PENK: variants seen among roughly 807,000 people sequenced by gnomAD.
PENK encodes proenkephalin-A.
Under a neutral mutation model 24.1 loss-of-function variants are expected in PENK, and 25 were observed. That is an observed-to-expected ratio of 1.04 (90% CI 0.76 to 1.45). The LOEUF is 1.45. Ranked by LOEUF, PENK falls within the 40% of genes most tolerant of loss-of-function variation. The pLI, the probability that PENK is intolerant of heterozygous loss-of-function variation, is 0.00. For missense variants in PENK, 353 were observed against 337.9 expected, an observed-to-expected ratio of 1.04 and a Z score of -0.35; for synonymous variants, 135 against 130.3, an observed-to-expected ratio of 1.04 and a Z score of -0.24.
rs139296396 is a variant in PENK at position 56,445,817 on chromosome 8, A to G, written c.137T>C (p.Leu46Pro). The G allele has an allele frequency of 1.9e-6, 3 of 1,613,398 alleles. No homozygotes were observed. The African/African-American group carries it at 4.0e-5, about 21-fold the overall frequency. Residue 46 changes from leucine to proline, a missense_variant and splice_region_variant, in exon 3 of 4, where the codon CTG becomes CCG. Leu to Pro is a moderately conservative substitution (Grantham distance 98, BLOSUM62 -3). Transcript: ENST00000451791. The part of the protein sequence containing the change: ...RLVRPADINF[L>P]ACVMECEGKL... ...ACACTCGCCGCGCGCAACACTCACC[A>G]GGAAGTTGATGTCGGCCGGGCGCAC...
rs147090338 is a variant in PENK, at chr8:56,441,706, C to G, written c.370G>C (p.Glu124Gln). Residue 124 changes from glutamate to glutamine, a missense_variant, in exon 4 of 4, where the codon GAA (glutamate) becomes CAA (glutamine). Glu to Gln is a conservative substitution (Grantham distance 29). Transcript: ENST00000451791. Reference protein sequence around the residue: ...MDELYPMEPEEEANGSEILAK... With the variant: ...MDELYPMEPEQEANGSEILAK... ...AGGATCTCACTTCCATTGGCCTCTTCTTCTGGCTCCATGGGATAAAGCTCA... is the reference window on the plus strand; with the variant it reads ...AGGATCTCACTTCCATTGGCCTCTTGTTCTGGCTCCATGGGATAAAGCTCA... 2,742 of 1,613,816 alleles carry G rather than the reference C, an allele frequency of 1.7e-3. 58 individuals are homozygous for G. In the South Asian group the frequency reaches 0.028, roughly 17 times the overall value.
chr8:56,446,330 T>A, intron 2 of PENK, 96 bp downstream of exon 2: 1 of 261,156 alleles, frequency 3.8e-6, no homozygotes, highest in Non-Finnish European at 7.3e-6. Context: ...GGGAACGCTG[T>A]TGGGGAACCC....
chr8:56,443,303 G>A (rs1017408088), intron 3 of PENK, among the ~76,000 whole-genome samples: 3 of 152,184 alleles, frequency 2.0e-5, no homozygotes, highest in Non-Finnish European at 2.9e-5. Context: ...CCATTCTAAA[G>A]TTGTATCTAA....
Position 56,441,839 on chromosome 8 carries a change from A to G in PENK, c.237T>C (p.Asp79=), listed in dbSNP as rs1407961969. The G allele has an allele frequency of 6.2e-7, 1 of 1,614,162 alleles. No homozygotes were observed. Among genetic ancestry groups the G allele is most frequent in the South Asian group, 1.1e-5 (1 of 91,076 alleles). The change falls in exon 4 of 4, where the codon GAT becomes GAC. Residue 79 remains aspartate, a synonymous_variant. Transcript: ENST00000451791. ...TATTTTCTCTGAGGGTGCTGGTGCCATCTTGAGGAAGCTCTGGTTTGGACA... is the reference window on the plus strand; with the variant it reads ...TATTTTCTCTGAGGGTGCTGGTGCCGTCTTGAGGAAGCTCTGGTTTGGACA... The part of the protein sequence containing the change: ...LQLSKPELPQ[D]GTSTLRENSK...
At chr8:56,444,435 G>A (rs1012301680) in intron 3 of PENK, among the ~76,000 whole-genome samples, 6 of 152,182 alleles carry the variant, frequency 3.9e-5, no homozygotes, top group Non-Finnish European at 7.3e-5. Flanking sequence ...GTCAGAAAGT[G>A]GAGTCTTCTA....
intron 3 of PENK, chr8:56,444,063 G>C (rs1804608296): frequency 1.5e-6 from 1 of 688,780 alleles, no homozygotes; most frequent in Admixed American, 2.1e-5. Flanking sequence ...GAGAAGTCAA[G>C]ATTTGAGGTG....
In PENK at chr8:56,441,034, A is replaced by T; in HGVS notation, c.*238T>A. 2 of 416,960 alleles carry T rather than the reference A, an allele frequency of 4.8e-6. No individual in the cohort carries two copies. Among genetic ancestry groups the T allele is most frequent in the Non-Finnish European group, 8.5e-6 (2 of 234,784 alleles). 25.8% of individuals were successfully genotyped at this position (416,960 alleles called of 1,614,324 possible). On this transcript the variant is annotated 3_prime_UTR_variant, in exon 4 of 4. Transcript: ENST00000451791. ...ATGTTTGTCAAAAATAAGAGACAAG[A>T]TAACAAAAACTATTTTAGCATGAAA... is the stretch of plus-strand genomic sequence containing the variant.
At position 56,441,147 on chromosome 8, in the gene PENK, T is replaced by C; in HGVS notation, c.*125A>G. On this transcript the variant is annotated 3_prime_UTR_variant, in exon 4 of 4. Coordinates refer to ENST00000451791, the MANE Select transcript of PENK (RefSeq NM_001135690.3). ...AATGACAGTTTTCAGGTTGTATAGT[T>C]ATCCAGACAATGAAGTCAACTATAC... 1.4e-6 allele frequency: 1 copy of C among 708,164 alleles called. No individual in the cohort carries two copies. Among genetic ancestry groups the C allele is most frequent in the Non-Finnish European group, 2.4e-6 (1 of 414,068 alleles). 43.9% of individuals were successfully genotyped at this position (708,164 alleles called of 1,614,324 possible). A position where few individuals can be genotyped will look rare whatever the true frequency, so the allele number is the denominator to read the frequency against.
intron 3 of PENK, chr8:56,443,596 G>C (rs1804597200): frequency 4.7e-6 from 1 of 213,354 alleles, no homozygotes; most frequent in Non-Finnish European, 9.4e-6. Context: ...ATCCACCACA[G>C]TACCAATCAT....
At chr8:56,446,108 A>G in intron 2 of PENK, 152 bp from the exon 3 acceptor site, 2 of 852,994 alleles carry the variant, frequency 2.3e-6, no homozygotes, top group Non-Finnish European at 1.8e-6. Context: ...CCCGGCCGAC[A>G]GCTTTTAGGT....
In PENK at chr8:56,441,758, C is replaced by A. The variant is rs758386503; in HGVS notation, c.318G>T (p.Arg106Ser). The A allele has an allele frequency of 2.5e-6, 4 of 1,609,304 alleles. No homozygotes were observed. In the Admixed American group the frequency reaches 5.0e-5, roughly 20 times the overall value. The change falls in exon 4 of 4, where the codon AGG (arginine) becomes AGT (serine). Residue 106 changes from arginine to serine, a missense_variant. Transcript: ENST00000451791. ...CCATTTTCTTCATGAAGCCTCCATA[C>A]CTTTTCATGAAGCCCCCATACCTTT... is the stretch of plus-strand genomic sequence containing the variant. Reference protein sequence around the residue: ...LAKRYGGFMKRYGGFMKKMDE... With the variant: ...LAKRYGGFMKSYGGFMKKMDE...
At chr8:56,445,700 C>T in intron 3 of PENK, 116 bp downstream of exon 3, 2 of 1,381,570 alleles carry the variant, frequency 1.4e-6, no homozygotes, top group South Asian at 1.2e-5. Flanking sequence ...GCCGCTGCGG[C>T]TCCGACCCGG....
At chr8:56,445,442 A>G (rs1804637558) in intron 3 of PENK, 1 of 477,508 alleles carries the variant, frequency 2.1e-6, no homozygotes, top group Admixed American at 3.5e-5. Flanking sequence ...GGGATATGTT[A>G]GGAGTTGTGG....
chr8:56,443,043 T>C (rs1351792080), intron 3 of PENK, among the ~76,000 whole-genome samples: 1 of 152,134 alleles, frequency 6.6e-6, no homozygotes, highest in Non-Finnish European at 1.5e-5. Flanking sequence ...TTAAGTGATG[T>C]TAAATACACA....
chr8:56,446,130 C>G (rs1441356989), intron 2 of PENK, 174 bp from the exon 3 acceptor site: 2 of 648,062 alleles, frequency 3.1e-6, no homozygotes, highest in East Asian at 5.7e-5. Context: ...GACGTGGAGG[C>G]GACTCAGATC....
At chr8:56,444,353 G>A (rs1347605781) in intron 3 of PENK, among the ~76,000 whole-genome samples, 2 of 152,228 alleles carry the variant, frequency 1.3e-5, no homozygotes, top group Admixed American at 6.5e-5. Context: ...AGCTAGGGGA[G>A]GGGGCTGAGC....
intron 3 of PENK, among the ~76,000 whole-genome samples, chr8:56,444,983 GC>G (rs1804626942): frequency 6.6e-6 from 1 of 152,364 alleles, no homozygotes; most frequent in African/African-American, 2.4e-5. Flanking sequence ...TGATTCGACA[GC>G]CCATGGGGAA....
intron 3 of PENK, chr8:56,443,709 G>A (rs1221129123): frequency 4.5e-5 from 17 of 378,518 alleles, no homozygotes; most frequent in Non-Finnish European, 7.5e-5. Flanking sequence ...TTTTGCATCC[G>A]AGCCAAAATC....
rs778453235 is a variant in PENK at position 56,445,810 on chromosome 8, A to G, written c.138+6T>C. 1.9e-6 allele frequency: 3 copies of G among 1,613,218 alleles called. No homozygotes were observed. Among genetic ancestry groups the G allele is most frequent in the Non-Finnish European group, 2.5e-6 (3 of 1,179,866 alleles). On this transcript the variant is annotated splice_donor_region_variant and intron_variant, in intron 3 of 3. Transcript: ENST00000451791. The stretch of plus-strand genomic sequence containing the variant: ...GTGCGCAACACTCGCCGCGCGCAAC[A>G]CTCACCAGGAAGTTGATGTCGGCCG...
Sources: gnomAD v4.1 joint callset for allele counts (sites outside exome capture counted in the v4.1 genomes callset) on GRCh38, gnomAD v4.1.1 for gene constraint, MANE v1.5 for transcripts, NCBI Gene and HGNC (gene_info 2026-07-23, HGNC 2026-07-21) for gene names.